FHIP2A: variants seen among roughly 807,000 people sequenced by gnomAD.
FHIP2A encodes the protein family with sequence similarity 160 member B1.
FHIP2A carries 46 observed loss-of-function variants against 93.5 expected under a neutral mutation model. The observed-to-expected ratio is 0.49, with a 90% CI of 0.39 to 0.63. The LOEUF (loss-of-function observed/expected upper bound fraction) is 0.63. FHIP2A is among the 20% of genes least tolerant of loss of function. The probability of loss-of-function intolerance (pLI) is 0.00; values close to 1 mark genes in which losing one functional copy is unlikely to be tolerated. For missense variants in FHIP2A, 769 were observed against 909.7 expected (o/e 0.85, Z 1.99); for synonymous variants, 332 against 326.5 (o/e 1.02, Z -0.18).
At chr10:114,840,521 C>G (rs747294854) in intron 5 of FHIP2A, among the ~76,000 whole-genome samples, 10 of 152,208 alleles carry the variant, frequency 6.6e-5, no homozygotes, top group Non-Finnish European at 1.0e-4. Flanking sequence ...ATGGCAGATT[C>G]TTTGAGAGGA....
intron 3 of FHIP2A, 78 bp from the exon 4 acceptor site, chr10:114,835,459 C>T: frequency 9.9e-6 from 8 of 810,458 alleles, no homozygotes; most frequent in Admixed American, 2.0e-5. Flanking sequence ...ATTGTCTCTC[C>T]AATTTTTTAA....
At chr10:114,890,618 C>T (rs1051097483) in intron 16 of FHIP2A, among the ~76,000 whole-genome samples, 51 of 143,064 alleles carry the variant, frequency 3.6e-4, no homozygotes, top group East Asian at 6.0e-4. Context: ...ATAAAATATA[C>T]GCTATATATG....
chr10:114,853,760 A>C (rs552118394), intron 13 of FHIP2A, among the ~76,000 whole-genome samples: 3 of 152,284 alleles, frequency 2.0e-5, no homozygotes, highest in African/African-American at 7.2e-5. Flanking sequence ...GCACTTTGGG[A>C]GGCCGAGGCG....
chr10:114,865,878 A>G (rs1201756999), downstream of FHIP2A, among the ~76,000 whole-genome samples: 1 of 151,876 alleles, frequency 6.6e-6, no homozygotes, highest in East Asian at 1.9e-4. Flanking sequence ...AATGATGCAG[A>G]AGAAATGGAG....
intron 14 of FHIP2A, among the ~76,000 whole-genome samples, chr10:114,856,483 G>A: frequency 6.6e-6 from 1 of 152,018 alleles, no homozygotes; most frequent in East Asian, 1.9e-4. Flanking sequence ...TTTTGTTTTT[G>A]TTTTTGAGCC....
chr10:114,828,460 T>C (rs1256935441), intron 1 of FHIP2A, among the ~76,000 whole-genome samples: 2 of 152,208 alleles, frequency 1.3e-5, no homozygotes, highest in Non-Finnish European at 2.9e-5. Flanking sequence ...CATTTACACT[T>C]AAGAAATTAG....
chr10:114,893,755 G>T (rs573670232), intron 16 of FHIP2A, among the ~76,000 whole-genome samples: 14 of 152,050 alleles, frequency 9.2e-5, no homozygotes, highest in Admixed American at 9.2e-4. Flanking sequence ...CACACTGAGG[G>T]AGCACACATA....
intron 16 of FHIP2A, among the ~76,000 whole-genome samples, chr10:114,889,669 A>G (rs2083960907): frequency 6.6e-6 from 1 of 152,174 alleles, no homozygotes. Context: ...CATCTTCTCA[A>G]TGGCTGACCC....
chr10:114,845,379 T>G lies in FHIP2A; in HGVS notation c.1026T>G (p.Tyr342Ter). 6.2e-7 allele frequency: 1 copy of G among 1,604,638 alleles called. No individual in the cohort carries two copies. Among genetic ancestry groups the G allele is most frequent in the Non-Finnish European group, 8.5e-7 (1 of 1,171,548 alleles). ...VEAINWGLDS[Y>*]SHKEDASAFP... is the part of the protein sequence containing the mutation. ...CCTTGTCTTACAGCTTGGACTCATA[T>G]AGTCATAAAGAAGATGCTTCAGCAT... Residue 342 changes from tyrosine (Y) to a stop codon, truncating the protein, a stop_gained, in exon 8 of 17, where the codon TAT becomes TAG. Transcript: ENST00000369248. LOFTEE classifies it high-confidence loss of function.
At chr10:114,855,616 G>C (rs918032270) in intron 14 of FHIP2A, among the ~76,000 whole-genome samples, 1 of 152,102 alleles carries the variant, frequency 6.6e-6, no homozygotes, top group South Asian at 2.1e-4. Flanking sequence ...GAGATGATTA[G>C]GACTGCTTTT....
intron 5 of FHIP2A, among the ~76,000 whole-genome samples, chr10:114,836,678 G>A (rs1478556552): frequency 6.6e-6 from 1 of 152,086 alleles, no homozygotes; most frequent in Non-Finnish European, 1.5e-5. Flanking sequence ...ATAGCAGTTG[G>A]GATTGCTGTA....
intron 14 of FHIP2A, among the ~76,000 whole-genome samples, chr10:114,859,945 C>G (rs2083788056): frequency 6.6e-6 from 1 of 152,146 alleles, no homozygotes; most frequent in South Asian, 2.1e-4. Flanking sequence ...TGACAAGGTT[C>G]TGTGATTCGA....
At chr10:114,836,080 A>G (rs1375423797) in intron 4 of FHIP2A, 44 bp from the exon 5 acceptor site, 3 of 1,480,732 alleles carry the variant, frequency 2.0e-6, no homozygotes, top group Admixed American at 2.0e-5. Flanking sequence ...AAATTTGTAA[A>G]AAGTAGCCTA....
rs1173444819 is a variant in FHIP2A, at chr10:114,861,219, T to C, written c.2089-12T>C. On this transcript the variant is annotated splice_polypyrimidine_tract_variant and intron_variant, in intron 15 of 16. Coordinates refer to ENST00000369248, the MANE Select transcript of FHIP2A (RefSeq NM_020940.4). The stretch of plus-strand genomic sequence containing the variant: ...ATTTCAGGAACTGAAGTGCCTTGCC[T>C]CTGTGATGCAGGTTGTTGGAGACCT... 6.2e-7 allele frequency: 1 copy of C among 1,613,784 alleles called. No homozygotes were observed. The highest frequency in any genetic ancestry group is 2.2e-5 in the East Asian group (1 of 44,882).
At chr10:114,833,938 C>G (rs1162034557) in intron 3 of FHIP2A, among the ~76,000 whole-genome samples, 1 of 152,222 alleles carries the variant, frequency 6.6e-6, no homozygotes, top group East Asian at 1.9e-4. Context: ...AGTAAGGGAA[C>G]GGGAGAGCCT....
chr10:114,878,733 T>C (rs2083901744), intron 16 of FHIP2A, among the ~76,000 whole-genome samples: 3 of 149,922 alleles, frequency 2.0e-5, no homozygotes, highest in African/African-American at 7.3e-5. Context: ...TGAGCTGAGA[T>C]TGTGCCACTG....
chr10:114,839,155 T>C (rs1295863722), intron 5 of FHIP2A, among the ~76,000 whole-genome samples: 1 of 152,070 alleles, frequency 6.6e-6, no homozygotes, highest in Admixed American at 6.5e-5. Flanking sequence ...TTTGAGATAG[T>C]CTGACTGTGT....
At chr10:114,838,141 G>A (rs1014759470) in intron 5 of FHIP2A, among the ~76,000 whole-genome samples, 2 of 152,220 alleles carry the variant, frequency 1.3e-5, no homozygotes, top group African/African-American at 4.8e-5. Context: ...GTGTACGTGA[G>A]CTCCTGTTGC....
rs574234235 is a variant in FHIP2A at position 114,851,422 on chromosome 10, ATTT to A, written c.1803+2691_1803+2693del. ...ATAGTGTGAGGTGGGGTCCAGATTC[ATTT>A]TTTTTACATGTAGACATCCAGTTGT... On this transcript the variant is annotated intron_variant, in intron 13 of 16. Transcript: ENST00000369248. 4.6e-5 allele frequency among the ~76,000 whole-genome samples: 7 copies of A among 151,764 alleles called. No homozygotes were observed. In the East Asian group the frequency reaches 1.4e-3, roughly 29 times the overall value.
Sources: gnomAD v4.1 joint callset for allele counts (sites outside exome capture counted in the v4.1 genomes callset) on GRCh38, gnomAD v4.1.1 for gene constraint, MANE v1.5 for transcripts, NCBI Gene and HGNC (gene_info 2026-07-23, HGNC 2026-07-21) for gene names.